The following ZCWPW2 variants were observed in gnomAD, a reference collection of about 807,000 sequenced individuals.
The protein encoded by ZCWPW2 is zinc finger CW-type PWWP domain protein 2.
Under a neutral mutation model 46.6 loss-of-function variants are expected in ZCWPW2, and 45 were observed. The observed-to-expected ratio is 0.96, with a 90% CI of 0.76 to 1.24. The LOEUF (loss-of-function observed/expected upper bound fraction) is 1.24, where lower values mean the gene tolerates loss of function less well. Among genes scored for constraint, ZCWPW2 ranks in the 50% most tolerant of loss-of-function variants. The pLI is 0.00. For synonymous variants in ZCWPW2, 152 were observed against 137.1 expected, an observed-to-expected ratio of 1.11 and a Z score of -0.76; for missense variants, 429 against 403.9, an observed-to-expected ratio of 1.06 and a Z score of -0.53.
intron 4 of ZCWPW2, among the ~76,000 whole-genome samples, chr3:28,444,513 G>C (rs189809286): frequency 9.4e-4 from 143 of 152,136 alleles, no homozygotes; most frequent in Non-Finnish European, 1.2e-3. Context: ...GCTTCATCAG[G>C]GTCCTCCCAC....
At chr3:28,507,042 A>G (rs910018607) in intron 6 of ZCWPW2, among the ~76,000 whole-genome samples, 1 of 152,164 alleles carries the variant, frequency 6.6e-6, no homozygotes, top group Admixed American at 6.6e-5. Context: ...CTTGCTGGCT[A>G]TTGGAGTGGT....
Position 28,426,664 on chromosome 3 carries a change from G to A in ZCWPW2, c.333-8446G>A, listed in dbSNP as rs116413129. Among the ~76,000 whole-genome samples the A allele has an allele frequency of 1.4e-3, 211 of 152,106 alleles. 2 individuals carry two copies. Among genetic ancestry groups the A allele is most frequent in the African/African-American group, 4.1e-3 (169 of 41,504 alleles). On this transcript the variant is annotated intron_variant, in intron 3 of 9. Transcript: ENST00000383768. The stretch of plus-strand genomic sequence containing the variant: ...TACTAATAATATGTGTATCTGAAAG[G>A]AAAACTTCCCTTTTCCATCAGCCCC...
At chr3:28,420,294 C>G (rs1352225342) in intron 3 of ZCWPW2, among the ~76,000 whole-genome samples, 2 of 152,030 alleles carry the variant, frequency 1.3e-5, no homozygotes, top group East Asian at 1.9e-4. Context: ...AAATTTCCCT[C>G]TACACACTGC....
At chr3:28,355,304 AC>A (rs1330311700) in intron 1 of ZCWPW2, among the ~76,000 whole-genome samples, 5 of 152,246 alleles carry the variant, frequency 3.3e-5, no homozygotes, top group Non-Finnish European at 7.3e-5. Context: ...AATGTGAAGG[AC>A]CTCTTCAAGG....
intron 6 of ZCWPW2, among the ~76,000 whole-genome samples, chr3:28,504,540 C>G (rs1700227519): frequency 1.3e-5 from 2 of 152,178 alleles, no homozygotes; most frequent in Non-Finnish European, 2.9e-5. Flanking sequence ...ATTCTTTTGT[C>G]CAGAAAAATA....
intron 2 of ZCWPW2, among the ~76,000 whole-genome samples, chr3:28,396,966 T>C (rs1695726170): frequency 6.6e-6 from 1 of 152,064 alleles, no homozygotes; most frequent in South Asian, 2.1e-4. Flanking sequence ...CCGTCTCTAT[T>C]AAAAATACAA....
chr3:28,374,978 A>G (rs974874622), intron 1 of ZCWPW2, among the ~76,000 whole-genome samples: 1 of 151,574 alleles, frequency 6.6e-6, no homozygotes. Flanking sequence ...TAGATCTTTA[A>G]TATTTGCTTT....
chr3:28,504,022 T>G (rs1162276199), intron 6 of ZCWPW2, among the ~76,000 whole-genome samples: 1 of 151,738 alleles, frequency 6.6e-6, no homozygotes, highest in African/African-American at 2.4e-5. Flanking sequence ...ATCGTGAAAC[T>G]TTTTCTCTAC....
intron 5 of ZCWPW2, among the ~76,000 whole-genome samples, chr3:28,485,530 C>G (rs919918849): frequency 4.6e-5 from 7 of 152,140 alleles, no homozygotes; most frequent in African/African-American, 1.2e-4. Context: ...TTTCTCTCTG[C>G]AGTTCCATCA....
intron 4 of ZCWPW2, among the ~76,000 whole-genome samples, chr3:28,454,139 C>T (rs568923622): frequency 6.6e-5 from 10 of 152,198 alleles, no homozygotes; most frequent in East Asian, 3.9e-4. Context: ...CCACCGCGCC[C>T]GGCCAATTGT....
At chr3:28,378,598 T>C (rs1406682883) in intron 1 of ZCWPW2, among the ~76,000 whole-genome samples, 2 of 152,066 alleles carry the variant, frequency 1.3e-5, no homozygotes, top group Non-Finnish European at 2.9e-5. Flanking sequence ...AATTTGAAAA[T>C]CTTGTAGGAA....
At chr3:28,368,649 T>C (rs762537602) in intron 1 of ZCWPW2, among the ~76,000 whole-genome samples, 1 of 152,186 alleles carries the variant, frequency 6.6e-6, no homozygotes, top group Non-Finnish European at 1.5e-5. Context: ...GGAGTTGCTC[T>C]TCTCAAGGAG....
At chr3:28,403,734 A>G (rs1696040875) in intron 2 of ZCWPW2, among the ~76,000 whole-genome samples, 1 of 152,198 alleles carries the variant, frequency 6.6e-6, no homozygotes, top group Non-Finnish European at 1.5e-5. Context: ...ACTCAGAAAT[A>G]AACCCAAATA....
chr3:28,414,173 T>C (rs924287739), intron 3 of ZCWPW2, among the ~76,000 whole-genome samples: 2 of 151,968 alleles, frequency 1.3e-5, no homozygotes, highest in African/African-American at 4.8e-5. Flanking sequence ...TTGTATTACC[T>C]TTTCTTGAAC....
chr3:28,401,687 A>G (rs774696998), intron 2 of ZCWPW2, among the ~76,000 whole-genome samples: 2 of 152,170 alleles, frequency 1.3e-5, no homozygotes, highest in Non-Finnish European at 2.9e-5. Context: ...ATTATAGGCC[A>G]CAAAACAACC....
chr3:28,491,845 G>C (rs531201161), intron 5 of ZCWPW2, among the ~76,000 whole-genome samples: 1 of 152,136 alleles, frequency 6.6e-6, no homozygotes, highest in African/African-American at 2.4e-5. Flanking sequence ...CTAGAAATAA[G>C]ATATACTAGA....
At chr3:28,381,533 A>G (rs901991486) in intron 1 of ZCWPW2, among the ~76,000 whole-genome samples, 3 of 152,166 alleles carry the variant, frequency 2.0e-5, no homozygotes, top group African/African-American at 7.2e-5. Flanking sequence ...GGACCCATGC[A>G]GTTCAAACCT....
intron 4 of ZCWPW2, among the ~76,000 whole-genome samples, chr3:28,435,516 C>T (rs1293766312): frequency 3.6e-5 from 5 of 138,656 alleles, no homozygotes; most frequent in South Asian, 2.2e-4. Flanking sequence ...GACAGAGTCT[C>T]GCTCTGTCAC....
At chr3:28,409,405 G>T (rs948076104) in intron 2 of ZCWPW2, among the ~76,000 whole-genome samples, 1 of 151,438 alleles carries the variant, frequency 6.6e-6, no homozygotes, top group African/African-American at 2.4e-5. Context: ...TAGGCATGAG[G>T]AACCATGCCC....
Sources: gnomAD v4.1 joint callset for allele counts (sites outside exome capture counted in the v4.1 genomes callset) on GRCh38, gnomAD v4.1.1 for gene constraint, MANE v1.5 for transcripts, NCBI Gene and HGNC (gene_info 2026-07-23, HGNC 2026-07-21) for gene names.